Variants in DPP6 observed in about 807,000 individuals in gnomAD.
DPP6 encodes the protein A-type potassium channel modulatory protein DPP6.
DPP6 carries 69 observed loss-of-function variants against 122.6 expected under a neutral mutation model. The observed-to-expected ratio is 0.56, with a 90% CI of 0.46 to 0.69. The LOEUF (loss-of-function observed/expected upper bound fraction) is 0.69, where lower values mean the gene tolerates loss of function less well. DPP6 is among the 30% of genes least tolerant of loss of function. The probability of loss-of-function intolerance (pLI) is 0.00; values close to 1 mark genes in which losing one functional copy is unlikely to be tolerated. For missense variants in DPP6, 928 were observed against 1,116.9 expected (o/e 0.83, Z 2.41); for synonymous variants, 418 against 433.1 (o/e 0.97, Z 0.43).
At chr7:153,774,151 G>A in the DPP6 span, among the ~76,000 whole-genome samples, 1 of 152,104 alleles carries the variant, frequency 6.6e-6, no homozygotes, top group Admixed American at 6.6e-5. Flanking sequence ...ATTTAGTAAA[G>A]GCTTACTGGA....
At chr7:154,554,792 G>A (rs1179763155) in intron 4 of DPP6, among the ~76,000 whole-genome samples, 2 of 152,152 alleles carry the variant, frequency 1.3e-5, no homozygotes, top group Admixed American at 1.3e-4. Flanking sequence ...GAGTTCAGCT[G>A]TGTACCAAAA....
intron 1 of DPP6, among the ~76,000 whole-genome samples, chr7:154,030,775 A>G (rs903963194): frequency 2.6e-5 from 4 of 152,130 alleles, no homozygotes; most frequent in African/African-American, 9.7e-5. Context: ...CCTTCCCCCC[A>G]GAAGTCCCTG....
Position 154,871,058 on chromosome 7 carries a change from C to T in DPP6, c.1814-1566C>T, listed in dbSNP as rs549725827. On this transcript the variant is annotated intron_variant, in intron 18 of 25. Transcript: ENST00000377770. The stretch of plus-strand genomic sequence containing the variant: ...CTCTGAAGCTCCTCTGTTCTCAGCT[C>T]GAGGCTCCTCCGCAGCCTTGGCGGC... 2.0e-4 allele frequency among the ~76,000 whole-genome samples: 30 copies of T among 152,062 alleles called. No individual in the cohort carries two copies. The South Asian group carries it at 5.4e-3, about 27-fold the overall frequency.
chr7:154,461,774 G>C (rs1655236201), intron 2 of DPP6, among the ~76,000 whole-genome samples: 1 of 152,048 alleles, frequency 6.6e-6, no homozygotes. Flanking sequence ...TTAATCCCTT[G>C]TCAGATGGAT....
chr7:154,469,879 C>A (rs1214473017), intron 2 of DPP6, among the ~76,000 whole-genome samples: 1 of 152,208 alleles, frequency 6.6e-6, no homozygotes, highest in Non-Finnish European at 1.5e-5. Context: ...TTCCTTGTTA[C>A]TAAGCAGCAT....
At chr7:154,444,599 A>G (rs1026285259) in intron 1 of DPP6, among the ~76,000 whole-genome samples, 1 of 152,236 alleles carries the variant, frequency 6.6e-6, no homozygotes, top group African/African-American at 2.4e-5. Context: ...TTGGAATTTC[A>G]TCTTAACAGC....
chr7:153,981,995 C>G (rs1420022885), intron 1 of DPP6, among the ~76,000 whole-genome samples: 1 of 152,150 alleles, frequency 6.6e-6, no homozygotes. Flanking sequence ...TCATTTCAAC[C>G]TTGGTGAATC....
chr7:154,458,136 T>A (rs1820960622), intron 2 of DPP6, among the ~76,000 whole-genome samples: 1 of 152,182 alleles, frequency 6.6e-6, no homozygotes, highest in South Asian at 2.1e-4. Context: ...TGATATGGCT[T>A]GGCTGTATCC....
chr7:154,731,972 G>T (rs764246361), intron 8 of DPP6, among the ~76,000 whole-genome samples: 1 of 151,994 alleles, frequency 6.6e-6, no homozygotes, highest in Admixed American at 6.6e-5. Flanking sequence ...CTTTGTTACC[G>T]CCATTACATG....
chr7:154,610,105 A>T (rs1220134238), intron 5 of DPP6, among the ~76,000 whole-genome samples: 1 of 152,106 alleles, frequency 6.6e-6, no homozygotes, highest in Non-Finnish European at 1.5e-5. Context: ...ATAGTCTCTG[A>T]CCCCTGGAAG....
chr7:154,801,402 C>G lies in DPP6; in HGVS notation c.1347C>G (p.Ile449Met). The change falls in exon 13 of 26, where the codon ATC (isoleucine) becomes ATG (methionine). Residue 449 changes from isoleucine (I) to methionine (M), a missense_variant. Coordinates refer to ENST00000377770, the MANE Select transcript of DPP6 (RefSeq NM_130797.4). ...FSKDGRKFFF[I>M]RAIPQGGRGK... ...AGGATGGCCGAAAGTTTTTCTTCAT[C>G]AGAGCCATCCCCCAGGGAGGACGAG... 1 of 1,597,716 alleles carries G rather than the reference C, an allele frequency of 6.3e-7. No homozygotes were observed. The highest frequency in any genetic ancestry group is 1.1e-5 in the South Asian group (1 of 87,664).
At position 154,062,072 on chromosome 7, in the gene DPP6, A is replaced by T. The variant is rs1187611731; in HGVS notation, c.243+9009A>T. Among the ~76,000 whole-genome samples, 20 of 57,888 alleles carry T rather than the reference A, an allele frequency of 3.5e-4. 1 individual carries two copies. The East Asian group carries it at 7.5e-3, about 22-fold the overall frequency. 38.0% of individuals were successfully genotyped at this position (57,888 alleles called of 152,430 possible). A position where few individuals can be genotyped will look rare whatever the true frequency, so the allele number is the denominator to read the frequency against. On this transcript the variant is annotated intron_variant, in intron 1 of 25. Coordinates refer to ENST00000377770, the MANE Select transcript of DPP6 (RefSeq NM_130797.4). ...CTGACAGCCAGCCCCTGGTTCCCCC[A>T]CTGGCTCTTAGGACCCCCATCGCAG...
intron 18 of DPP6, among the ~76,000 whole-genome samples, chr7:154,870,079 A>G (rs941940905): frequency 6.6e-6 from 1 of 151,536 alleles, no homozygotes; most frequent in Middle Eastern, 3.4e-3. Flanking sequence ...TCCCGAGCTC[A>G]AGTGATCCTC....
At position 153,984,818 on chromosome 7, in the gene DPP6, T is replaced by C. The variant is rs189169748; in HGVS notation, c.51+97084T>C. On this transcript the variant is annotated intron_variant, in intron 1 of 25. Transcript: ENST00000404039. ...TCATTTTTGGCTTCTATGACACTTTTCCCTTAAAAGCAAAGCTGTGATCTG... is the reference window on the plus strand; with the variant it reads ...TCATTTTTGGCTTCTATGACACTTTCCCCTTAAAAGCAAAGCTGTGATCTG... Among the ~76,000 whole-genome samples the C allele has an allele frequency of 2.2e-3, 337 of 152,370 alleles. 1 individual carries two copies. The highest frequency in any genetic ancestry group is 7.6e-3 in the African/African-American group (317 of 41,598).
chr7:154,323,712 C>T (rs1028060757), intron 1 of DPP6, among the ~76,000 whole-genome samples: 3 of 152,198 alleles, frequency 2.0e-5, no homozygotes, highest in Non-Finnish European at 4.4e-5. Context: ...GTTCCTTTTC[C>T]TCTTCCTCTG....
the DPP6 span, among the ~76,000 whole-genome samples, chr7:153,816,096 AAGAT>A: frequency 3.0e-4 from 45 of 152,174 alleles, no homozygotes; most frequent in African/African-American, 1.0e-3. Context: ...AAATAGAAAA[AAGAT>A]AATACTGTAT....
the DPP6 span, among the ~76,000 whole-genome samples, chr7:153,755,200 GT>G: frequency 4.0e-5 from 6 of 150,352 alleles, no homozygotes; most frequent in Non-Finnish European, 8.9e-5. Context: ...TCAAATACAA[GT>G]TTTGTTCTTT....
In DPP6 at chr7:154,145,398, T is replaced by A. The variant is rs569175575; in HGVS notation, c.243+92335T>A. Among the ~76,000 whole-genome samples the A allele has an allele frequency of 2.0e-5, 3 of 152,274 alleles. No homozygotes were observed. In the East Asian group the frequency reaches 5.8e-4, roughly 29 times the overall value. On this transcript the variant is annotated intron_variant, in intron 1 of 25. Coordinates refer to ENST00000377770, the MANE Select transcript of DPP6 (RefSeq NM_130797.4). ...CAGGGCCCTGAGTTCTAACAGCCAC[T>A]GAGCTTGGAAGAGGACTCTAAGCCC...
intron 7 of DPP6, among the ~76,000 whole-genome samples, chr7:154,681,839 G>A (rs1289375240): frequency 1.3e-5 from 2 of 152,206 alleles, no homozygotes; most frequent in African/African-American, 4.8e-5. Context: ...TACTGTAGCA[G>A]TTAATCTTAT....
Sources: gnomAD v4.1 joint callset for allele counts (sites outside exome capture counted in the v4.1 genomes callset) on GRCh38, gnomAD v4.1.1 for gene constraint, MANE v1.5 for transcripts, NCBI Gene and HGNC (gene_info 2026-07-23, HGNC 2026-07-21) for gene names.